FRMPD1: variants seen among roughly 807,000 people sequenced by gnomAD.
The protein encoded by FRMPD1 is FERM and PDZ domain containing 1, also known as FERM and PDZ domain-containing protein 1.
A neutral mutation model predicts 117.8 loss-of-function variants in FRMPD1; 76 were observed. The ratio of observed to expected loss-of-function variants is 0.65; its 90% confidence interval spans 0.54 to 0.78. The LOEUF is 0.78. Ranked by LOEUF, FRMPD1 falls within the 30% of genes least tolerant of loss-of-function variation. The pLI, the probability that FRMPD1 is intolerant of heterozygous loss-of-function variation, is 0.00. For synonymous variants in FRMPD1, 783 were observed against 770.4 expected (o/e 1.02, Z -0.27); for missense variants, 1,786 against 1,964.5 (o/e 0.91, Z 1.72).
upstream of FRMPD1, among the ~76,000 whole-genome samples, chr9:37,646,911 T>C (rs1162593552): frequency 6.6e-6 from 1 of 152,206 alleles, no homozygotes; most frequent in Non-Finnish European, 1.5e-5. Flanking sequence ...ACTTAGCAGA[T>C]GACAAATGGC....
chr9:37,699,592 T>C (rs921852732), intron 2 of FRMPD1, among the ~76,000 whole-genome samples: 2 of 152,188 alleles, frequency 1.3e-5, no homozygotes, highest in African/African-American at 2.4e-5. Flanking sequence ...AGTGTTAGGA[T>C]TACAGGCATG....
chr9:37,746,132 C>T lies in FRMPD1; in HGVS notation c.4100C>T (p.Thr1367Ile), dbSNP rs1307791365. The T allele has an allele frequency of 6.2e-7, 1 of 1,614,086 alleles. No individual in the cohort carries two copies. The highest frequency in any genetic ancestry group is 8.5e-7 in the Non-Finnish European group (1 of 1,180,032). The stretch of plus-strand genomic sequence containing the variant: ...GAAGCACACCCCATGGCCCCCCTCA[C>T]CTCACCGCCCTCTGCGGGAAGCCCG... ...DLEAHPMAPL[T>I]SPPSAGSPVV... The change falls in exon 16 of 16, where the codon ACC (threonine) becomes ATC (isoleucine). Residue 1367 changes from threonine to isoleucine, a missense_variant. Thr to Ile is a moderately conservative substitution (Grantham distance 89). Transcript: ENST00000377765.
chr9:37,606,205 AG>A, the FRMPD1 span, among the ~76,000 whole-genome samples: 2 of 152,206 alleles, frequency 1.3e-5, no homozygotes, highest in South Asian at 4.1e-4. Flanking sequence ...AGAGGGGAGA[AG>A]GAAAGAAACC....
At chr9:37,683,051 C>G (rs893416093) in intron 1 of FRMPD1, among the ~76,000 whole-genome samples, 2 of 152,186 alleles carry the variant, frequency 1.3e-5, no homozygotes, top group Admixed American at 6.5e-5. Flanking sequence ...TTCCCTCCCC[C>G]ACTGCCTTCG....
intron 2 of FRMPD1, among the ~76,000 whole-genome samples, chr9:37,695,234 CTG>C (rs1429925558): frequency 2.0e-5 from 3 of 152,170 alleles, no homozygotes; most frequent in Admixed American, 6.5e-5. Flanking sequence ...AACTATCAGA[CTG>C]TTTCCCAGAG....
intron 2 of FRMPD1, among the ~76,000 whole-genome samples, chr9:37,696,279 CT>C (rs1341900633): frequency 3.3e-5 from 5 of 151,886 alleles, no homozygotes; most frequent in Non-Finnish European, 5.9e-5. Context: ...CTCCAGGGTA[CT>C]TACCTGCTCA....
chr9:37,672,223 C>G (rs980849900), intron 1 of FRMPD1, among the ~76,000 whole-genome samples: 6 of 151,608 alleles, frequency 4.0e-5, no homozygotes, highest in African/African-American at 1.5e-4. Context: ...CTCAATAAAC[C>G]TATTTAAAAA....
the FRMPD1 span, among the ~76,000 whole-genome samples, chr9:37,610,357 A>C: frequency 6.6e-6 from 1 of 152,330 alleles, no homozygotes; most frequent in East Asian, 1.9e-4. Context: ...TGTCTAGCAC[A>C]TAAGAGACAC....
intron 2 of FRMPD1, among the ~76,000 whole-genome samples, chr9:37,696,740 G>A (rs1415567774): frequency 3.3e-5 from 5 of 152,204 alleles, no homozygotes; most frequent in Non-Finnish European, 7.4e-5. Context: ...GCAGAAGGAA[G>A]AAACACAGAT....
intron 1 of FRMPD1, among the ~76,000 whole-genome samples, chr9:37,690,990 T>C (rs1051764434): frequency 6.6e-6 from 1 of 152,162 alleles, no homozygotes; most frequent in Non-Finnish European, 1.5e-5. Context: ...CCTAATCACC[T>C]CTTATAAGTT....
chr9:37,639,898 T>C, the FRMPD1 span, among the ~76,000 whole-genome samples: 1 of 152,142 alleles, frequency 6.6e-6, no homozygotes, highest in Non-Finnish European at 1.5e-5. Flanking sequence ...TGAGCTCAAG[T>C]AAAAAATAAA....
the FRMPD1 span, among the ~76,000 whole-genome samples, chr9:37,612,404 A>G: frequency 6.6e-6 from 1 of 152,012 alleles, no homozygotes; most frequent in Non-Finnish European, 1.5e-5. Context: ...GCTGGAGTGC[A>G]GTGGCGTGAT....
Position 37,733,635 on chromosome 9 carries a change from C to A in FRMPD1, c.1122+36C>A, listed in dbSNP as rs185914709. On this transcript the variant is annotated intron_variant, in intron 11 of 15. Coordinates refer to ENST00000377765, the MANE Select transcript of FRMPD1 (RefSeq NM_014907.3). ...TGCCTCTGCCGACCCACTCAGCTGT[C>A]GTCTGTGAAACCTTAGGAAAAACAT... 4 of 1,611,240 alleles carry A rather than the reference C, an allele frequency of 2.5e-6. No individual in the cohort carries two copies. In the African/African-American group the frequency reaches 5.4e-5, roughly 22 times the overall value.
intron 1 of FRMPD1, among the ~76,000 whole-genome samples, chr9:37,654,579 A>G (rs1163671878): frequency 6.6e-6 from 1 of 152,238 alleles, no homozygotes; most frequent in Non-Finnish European, 1.5e-5. Context: ...GTTGTTGGAT[A>G]ACTGAATGAG....
At chr9:37,686,015 T>G (rs1821929007) in intron 1 of FRMPD1, among the ~76,000 whole-genome samples, 1 of 152,240 alleles carries the variant, frequency 6.6e-6, no homozygotes, top group Non-Finnish European at 1.5e-5. Context: ...TCTTCTCCAT[T>G]TACAAAATAT....
At chr9:37,689,575 T>G (rs928955687) in intron 1 of FRMPD1, among the ~76,000 whole-genome samples, 7 of 152,174 alleles carry the variant, frequency 4.6e-5, no homozygotes, top group African/African-American at 1.4e-4. Context: ...CCTTAATGCA[T>G]GCCTTCACAG....
chr9:37,687,920 C>T (rs1040877215), intron 1 of FRMPD1, among the ~76,000 whole-genome samples: 3 of 152,172 alleles, frequency 2.0e-5, no homozygotes, highest in South Asian at 2.1e-4. Flanking sequence ...TTAAAAAATA[C>T]AAAGTGCAGA....
At chr9:37,744,050 A>G (rs1824556408) in intron 15 of FRMPD1, among the ~76,000 whole-genome samples, 1 of 151,994 alleles carries the variant, frequency 6.6e-6, no homozygotes, top group South Asian at 2.1e-4. Context: ...TTAGCTGGGC[A>G]TGGTGGCAGA....
chr9:37,617,529 A>G, the FRMPD1 span, among the ~76,000 whole-genome samples: 1 of 152,232 alleles, frequency 6.6e-6, no homozygotes, highest in Non-Finnish European at 1.5e-5. Context: ...GTGCTTAGAA[A>G]AGTATCTGGC....
Sources: allele counts gnomAD v4.1 joint callset (sites outside exome capture counted in the v4.1 genomes callset), GRCh38; gene constraint gnomAD v4.1.1; transcripts MANE v1.5; gene names NCBI Gene and HGNC (gene_info 2026-07-23, HGNC 2026-07-21).